LRMDA: variants seen among roughly 807,000 people sequenced by gnomAD.
LRMDA encodes the protein leucine rich melanocyte differentiation associated, also known as leucine-rich melanocyte differentiation-associated protein.
A neutral mutation model predicts 29.8 loss-of-function variants in LRMDA; 18 were observed. That is an observed-to-expected ratio of 0.60 (90% CI 0.42 to 0.90). The LOEUF (loss-of-function observed/expected upper bound fraction) is 0.90, where lower values mean the gene tolerates loss of function less well. Ranked by LOEUF, LRMDA falls within the 40% of genes least tolerant of loss-of-function variation. LRMDA has a pLI of 0.00. For missense variants in LRMDA, 273 were observed against 273.9 expected (o/e 1.00, Z 0.02); for synonymous variants, 125 against 109.4 (o/e 1.14, Z -0.89).
At chr10:75,627,663 C>T (rs1467495002) in intron 2 of LRMDA, among the ~76,000 whole-genome samples, 1 of 152,132 alleles carries the variant, frequency 6.6e-6, no homozygotes, top group Admixed American at 6.5e-5. Flanking sequence ...AGACAGTCTA[C>T]CACGATGCTT....
intron 2 of LRMDA, among the ~76,000 whole-genome samples, chr10:75,877,451 G>T (rs1845217011): frequency 6.6e-6 from 1 of 152,210 alleles, no homozygotes; most frequent in African/African-American, 2.4e-5. Context: ...TCTCCAGGTT[G>T]TTTCTTAGAT....
chr10:75,698,848 G>A (rs550435591), intron 2 of LRMDA, among the ~76,000 whole-genome samples: 50 of 152,228 alleles, frequency 3.3e-4, no homozygotes, highest in Middle Eastern at 3.4e-3. Context: ...TCATGAGAAA[G>A]AATTTGCGTT....
chr10:76,271,146 G>A (rs1840063667), intron 5 of LRMDA, among the ~76,000 whole-genome samples: 1 of 152,152 alleles, frequency 6.6e-6, no homozygotes, highest in African/African-American at 2.4e-5. Context: ...GGCGGCTCAC[G>A]CCTGTAATCC....
chr10:76,338,151 A>C (rs1840992694), intron 6 of LRMDA, among the ~76,000 whole-genome samples: 1 of 152,036 alleles, frequency 6.6e-6, no homozygotes, highest in African/African-American at 2.4e-5. Context: ...CAGAAACTAT[A>C]GATTTCCTGC....
chr10:75,618,461 A>G (rs1251445893), intron 2 of LRMDA, among the ~76,000 whole-genome samples: 1 of 145,766 alleles, frequency 6.9e-6, no homozygotes, highest in Non-Finnish European at 1.5e-5. Flanking sequence ...TATAAACTAT[A>G]TATATATCAA....
chr10:75,798,085 C>T (rs912200947), intron 2 of LRMDA, among the ~76,000 whole-genome samples: 5 of 152,026 alleles, frequency 3.3e-5, no homozygotes, highest in African/African-American at 9.7e-5. Flanking sequence ...AGAACATTTC[C>T]ATGTGCTAAT....
intron 2 of LRMDA, among the ~76,000 whole-genome samples, chr10:75,575,971 T>C (rs1158661614): frequency 6.6e-6 from 1 of 151,844 alleles, no homozygotes; most frequent in African/African-American, 2.4e-5. Flanking sequence ...CAGGAGTTTT[T>C]TTTTTTTTTT....
At chr10:75,689,379 A>T (rs889225373) in intron 2 of LRMDA, among the ~76,000 whole-genome samples, 1 of 152,202 alleles carries the variant, frequency 6.6e-6, no homozygotes, top group Non-Finnish European at 1.5e-5. Flanking sequence ...AGAGGTGGCC[A>T]GTAGGTTCTT....
chr10:75,904,702 G>T (rs78390601), intron 2 of LRMDA, among the ~76,000 whole-genome samples: 2 of 152,092 alleles, frequency 1.3e-5, no homozygotes, highest in African/African-American at 2.4e-5. Flanking sequence ...TTTAATCAGC[G>T]CTCTTTGCGG....
intron 2 of LRMDA, among the ~76,000 whole-genome samples, chr10:75,834,606 T>C (rs1390532049): frequency 6.6e-6 from 1 of 152,186 alleles, no homozygotes; most frequent in East Asian, 1.9e-4. Flanking sequence ...TTCAACACTT[T>C]GCTTGGAAAT....
intron 5 of LRMDA, among the ~76,000 whole-genome samples, chr10:76,273,869 G>A (rs995610100): frequency 6.6e-6 from 1 of 152,144 alleles, no homozygotes; most frequent in Non-Finnish European, 1.5e-5. Flanking sequence ...CAGAGTACCT[G>A]CCATATAGGA....
chr10:75,904,609 GA>G (rs757687651), intron 2 of LRMDA, among the ~76,000 whole-genome samples: 29 of 152,254 alleles, frequency 1.9e-4, no homozygotes, highest in South Asian at 1.0e-3. Context: ...CCAGGACATT[GA>G]AAATGTCACA....
chr10:76,475,261 T>C (rs1279178457), intron 6 of LRMDA, among the ~76,000 whole-genome samples: 2 of 151,840 alleles, frequency 1.3e-5, no homozygotes, highest in Non-Finnish European at 2.9e-5. Context: ...ATTGTGGTGA[T>C]GATTGCACAA....
intron 5 of LRMDA, among the ~76,000 whole-genome samples, chr10:76,134,206 A>G (rs560704918): frequency 1.3e-5 from 2 of 152,310 alleles, no homozygotes; most frequent in African/African-American, 4.8e-5. Flanking sequence ...TTTCTGAGAG[A>G]ATTTCGGGGG....
chr10:76,216,283 T>C (rs977193237), intron 5 of LRMDA, among the ~76,000 whole-genome samples: 20 of 152,148 alleles, frequency 1.3e-4, no homozygotes, highest in African/African-American at 4.8e-4. Context: ...CTGAGCTCAG[T>C]AGTTTCAGGT....
At chr10:75,998,811 T>C (rs1358085067) in intron 2 of LRMDA, among the ~76,000 whole-genome samples, 4 of 152,178 alleles carry the variant, frequency 2.6e-5, no homozygotes, top group Admixed American at 6.5e-5. Context: ...TATGGTTAGT[T>C]TGGGAGAGCA....
intron 2 of LRMDA, among the ~76,000 whole-genome samples, chr10:75,646,056 A>C (rs1225126661): frequency 3.2e-4 from 38 of 118,270 alleles, no homozygotes; most frequent in African/African-American, 5.6e-4. Flanking sequence ...CTCCATCCTC[A>C]CCCCCATTCT....
chr10:75,569,882 G>T (rs969605336), intron 2 of LRMDA, among the ~76,000 whole-genome samples: 8 of 152,222 alleles, frequency 5.3e-5, no homozygotes, highest in African/African-American at 1.9e-4. Context: ...TGATGGGATA[G>T]TTCACATATA....
intron 5 of LRMDA, among the ~76,000 whole-genome samples, chr10:76,282,373 T>C (rs761820363): frequency 6.6e-6 from 1 of 152,334 alleles, no homozygotes; most frequent in African/African-American, 2.4e-5. Flanking sequence ...ATATCCATCA[T>C]AGGCTTGTGT....
Sources: allele counts gnomAD v4.1 joint callset (sites outside exome capture counted in the v4.1 genomes callset), GRCh38; gene constraint gnomAD v4.1.1; transcripts MANE v1.5; gene names NCBI Gene and HGNC (gene_info 2026-07-23, HGNC 2026-07-21).